The following MROH7 variants were observed in gnomAD, a reference collection of about 807,000 sequenced individuals.
MROH7 encodes the protein maestro heat like repeat family member 7, also known as maestro heat-like repeat-containing protein family member 7.
In MROH7, 113 loss-of-function variants were observed where a neutral mutation model predicts 129.2. The observed-to-expected ratio is 0.87, with a 90% CI of 0.75 to 1.02. The LOEUF (loss-of-function observed/expected upper bound fraction) is 1.02. Among genes scored for constraint, MROH7 ranks in the 50% least tolerant of loss-of-function variants. The pLI, the probability that MROH7 is intolerant of heterozygous loss-of-function variation, is 0.00. For missense variants in MROH7, 1,601 were observed against 1,671.3 expected (o/e 0.96, Z 0.73); for synonymous variants, 655 against 667.9 (o/e 0.98, Z 0.30).
intron 20 of MROH7, 118 bp from the exon 21 acceptor site, chr1:54,702,505 A>T (rs1401600116): frequency 9.5e-7 from 1 of 1,054,428 alleles, no homozygotes; most frequent in Non-Finnish European, 1.3e-6. Context: ...TAAAAAAATT[A>T]AAAATGGTCA....
chr1:54,644,729 T>G (rs2101049214), intron 1 of MROH7, among the ~76,000 whole-genome samples: 1 of 151,036 alleles, frequency 6.6e-6, no homozygotes, highest in South Asian at 2.1e-4. Flanking sequence ...CTAGAGCTCC[T>G]GGGCTCAAGT....
Position 54,681,082 on chromosome 1 carries a change from C to T in MROH7, c.2381+1037C>T, listed in dbSNP as rs902148126. Among the ~76,000 whole-genome samples, 17 of 152,258 alleles carry T rather than the reference C, an allele frequency of 1.1e-4. No homozygotes were observed. In the South Asian group the frequency reaches 3.1e-3, roughly 28 times the overall value. On this transcript the variant is annotated intron_variant, in intron 13 of 23. Transcript: ENST00000421030. ...CTTGCGGGGGTCCTTGCAGCAGCCC[C>T]CACAGCAGGCCAGGCAGAGGCACCC...
intron 17 of MROH7, among the ~76,000 whole-genome samples, chr1:54,696,630 ATG>A (rs1645326045): frequency 8.1e-6 from 1 of 123,436 alleles, no homozygotes; most frequent in Non-Finnish European, 1.7e-5. Context: ...AGATTTATCT[ATG>A]CTGTTGCATG....
At position 54,684,993 on chromosome 1, in the gene MROH7, T is replaced by C. The variant is rs145297790; in HGVS notation, c.2521-1265T>C. ...TTAAATGCTTTCCTCTTGGCCCAGA[T>C]GCATGGAGTCTTTTTTTTTCTCTCC... On this transcript the variant is annotated intron_variant, in intron 14 of 23. Transcript: ENST00000421030. 8.7e-4 allele frequency among the ~76,000 whole-genome samples: 132 copies of C among 152,256 alleles called. 2 individuals are homozygous for C. Among genetic ancestry groups the C allele is most frequent in the African/African-American group, 2.9e-3 (121 of 41,556 alleles).
rs749293821 is a variant in MROH7, at chr1:54,709,022, G to A, written c.3676G>A (p.Val1226Ile). ...KCSVMFIGSL[V>I]PCMESIMTED... ...CTTGGATTACGCTCAAGGGTCCCTG[G>A]TCCCCTGCATGGAGAGCATAATGAC... The change falls in exon 23 of 24, where the codon GTC becomes ATC. Residue 1226 changes from valine (V) to isoleucine (I), a missense_variant. By Grantham distance (29) the Val-to-Ile change is conservative. Coordinates refer to ENST00000421030, the MANE Select transcript of MROH7 (RefSeq NM_001039464.4). The A allele has an allele frequency of 1.1e-5, 17 of 1,614,188 alleles. No individual in the cohort carries two copies. The African/African-American group carries it at 2.3e-4, about 22-fold the overall frequency.
At chr1:54,672,781 A>G (rs1644921336) in intron 7 of MROH7, among the ~76,000 whole-genome samples, 1 of 152,200 alleles carries the variant, frequency 6.6e-6, no homozygotes, top group Non-Finnish European at 1.5e-5. Flanking sequence ...TTTGTGGACA[A>G]GGTGGCAAAT....
intron 21 of MROH7, among the ~76,000 whole-genome samples, chr1:54,704,614 T>G (rs11587352): frequency 6.6e-6 from 1 of 151,014 alleles, no homozygotes; most frequent in South Asian, 2.1e-4. Context: ...ATTTTTTTTT[T>G]GTATTTATAG....
intron 17 of MROH7, chr1:54,699,748 C>T: frequency 3.5e-6 from 1 of 288,040 alleles, no homozygotes; most frequent in Non-Finnish European, 6.5e-6. Flanking sequence ...ATAGGGGAGG[C>T]AGATGGAGGC....
intron 10 of MROH7, among the ~76,000 whole-genome samples, chr1:54,677,988 A>G (rs1020234898): frequency 2.0e-5 from 3 of 152,184 alleles, no homozygotes; most frequent in African/African-American, 7.2e-5. Context: ...GGGGTAGGGG[A>G]TTGCAGTTTA....
chr1:54,702,074 C>A lies in MROH7; in HGVS notation c.3286-16C>A. ...CCCAGAGGAGGGACCCCCTCTGAGCCTTTGGTCTTCCCCAGGCACGAGAGG... is the reference window on the plus strand; with the variant it reads ...CCCAGAGGAGGGACCCCCTCTGAGCATTTGGTCTTCCCCAGGCACGAGAGG... On this transcript the variant is annotated splice_polypyrimidine_tract_variant and intron_variant, in intron 19 of 23. Transcript: ENST00000421030. 1 of 1,574,802 alleles carries A rather than the reference C, an allele frequency of 6.3e-7. No individual in the cohort carries two copies. Among genetic ancestry groups the A allele is most frequent in the East Asian group, 2.3e-5 (1 of 42,798 alleles).
intron 2 of MROH7, among the ~76,000 whole-genome samples, 195 bp from the exon 3 acceptor site, chr1:54,652,658 G>A (rs1644575050): frequency 6.6e-6 from 1 of 152,206 alleles, no homozygotes; most frequent in South Asian, 2.1e-4. Context: ...CCAGGAGGGA[G>A]CAGGTTGTGG....
intron 10 of MROH7, 90 bp downstream of exon 10, chr1:54,674,241 A>T: frequency 6.9e-7 from 1 of 1,455,230 alleles, no homozygotes; most frequent in Non-Finnish European, 9.3e-7. Flanking sequence ...CCTTGGCATT[A>T]AGGCACTGGT....
chr1:54,701,719 C>A (rs1184034168), intron 19 of MROH7, among the ~76,000 whole-genome samples: 1 of 152,038 alleles, frequency 6.6e-6, no homozygotes. Flanking sequence ...TGGGCATGCA[C>A]CACTATGCCC....
intron 15 of MROH7, among the ~76,000 whole-genome samples, chr1:54,689,915 G>A (rs1229971180): frequency 6.6e-6 from 1 of 152,130 alleles, no homozygotes; most frequent in African/African-American, 2.4e-5. Context: ...AGGGTCGTGT[G>A]AGTCCAAGAG....
At chr1:54,675,126 T>G (rs1275840414) in intron 10 of MROH7, among the ~76,000 whole-genome samples, 2 of 151,984 alleles carry the variant, frequency 1.3e-5, no homozygotes, top group African/African-American at 4.8e-5. Flanking sequence ...CAGGCACACA[T>G]CACCACACCT....
intron 1 of MROH7, among the ~76,000 whole-genome samples, chr1:54,643,510 A>G (rs1189974074): frequency 1.3e-5 from 2 of 152,168 alleles, no homozygotes; most frequent in East Asian, 3.9e-4. Flanking sequence ...CACAGATATC[A>G]GACTTCAGAT....
chr1:54,702,966 A>G (rs1415452077), intron 21 of MROH7, among the ~76,000 whole-genome samples: 4 of 152,046 alleles, frequency 2.6e-5, no homozygotes, highest in African/African-American at 9.7e-5. Context: ...GATCACGGGC[A>G]CTTCAAGCTC....
chr1:54,643,390 GGAA>G (rs1351701602), intron 1 of MROH7, among the ~76,000 whole-genome samples: 1 of 152,230 alleles, frequency 6.6e-6, no homozygotes, highest in Non-Finnish European at 1.5e-5. Context: ...TGAGGATCCT[GGAA>G]GAAGTTGAGA....
intron 10 of MROH7, 37 bp from the exon 11 acceptor site, chr1:54,678,705 G>A (rs748371683): frequency 1.3e-5 from 19 of 1,454,466 alleles, no homozygotes; most frequent in Non-Finnish European, 1.8e-5. Context: ...CAAAAATAGG[G>A]AGATCCGGCC....
Sources: gnomAD v4.1 joint callset for allele counts (sites outside exome capture counted in the v4.1 genomes callset) on GRCh38, gnomAD v4.1.1 for gene constraint, MANE v1.5 for transcripts, NCBI Gene and HGNC (gene_info 2026-07-23, HGNC 2026-07-21) for gene names.